ATG2B: variants seen among roughly 807,000 people sequenced by gnomAD.
ATG2B encodes autophagy-related protein 2 homolog B.
Under a neutral mutation model 241.3 loss-of-function variants are expected in ATG2B, and 121 were observed. The ratio of observed to expected loss-of-function variants is 0.50; its 90% confidence interval spans 0.43 to 0.58. The LOEUF (loss-of-function observed/expected upper bound fraction) is 0.58, where lower values mean the gene tolerates loss of function less well. ATG2B is among the 20% of genes least tolerant of loss of function. The pLI is 0.00. For missense variants in ATG2B, 2,306 were observed against 2,491.6 expected (o/e 0.93, Z 1.59); for synonymous variants, 858 against 876.6 (o/e 0.98, Z 0.37).
chr14:96,316,651 A>G lies in ATG2B; in HGVS notation c.3243T>C (p.His1081=). 6.2e-7 allele frequency: 1 copy of G among 1,610,614 alleles called. No individual in the cohort carries two copies. The highest frequency in any genetic ancestry group is 1.7e-5 in the Admixed American group (1 of 59,152). ...QDNGDLLENK[H]GEFWLEFNSG... The stretch of plus-strand genomic sequence containing the variant: ...TATTGAACTCTAACCAGAATTCACC[A>G]TGCTTGTTTTCCAACAGATCTCCAT... The change falls in exon 21 of 42, where the codon CAT becomes CAC. Residue 1081 remains histidine, a synonymous_variant. Transcript: ENST00000359933.
rs1487635571 is a variant in ATG2B at position 96,280,023 on chromosome 14, T to C, written c.*5732A>G. On this transcript the variant is annotated 3_prime_UTR_variant, in exon 42 of 42. Coordinates refer to ENST00000359933, the MANE Select transcript of ATG2B (RefSeq NM_018036.7). Reference sequence around the variant, plus strand: ...AATCAGTGTTGACTGTGGCCTGTGGTGCAGCATTTATAGAAAGAAATCTTC... The same window carrying C: ...AATCAGTGTTGACTGTGGCCTGTGGCGCAGCATTTATAGAAAGAAATCTTC... 1.3e-5 allele frequency: 2 copies of C among 152,260 alleles called. No homozygotes were observed. Among genetic ancestry groups the C allele is most frequent in the African/African-American group, 4.8e-5 (2 of 41,420 alleles). 9.4% of individuals were successfully genotyped at this position (152,260 alleles called of 1,614,324 possible).
Position 96,290,902 on chromosome 14 carries a change from T to G in ATG2B, c.5613A>C (p.Ala1871=), listed in dbSNP as rs779534902. Residue 1871 remains alanine, a synonymous_variant, in exon 39 of 42, where the codon GCA becomes GCC. Coordinates refer to ENST00000359933, the MANE Select transcript of ATG2B (RefSeq NM_018036.7). The surrounding 1 kb of genome is among the most constrained non-coding windows in gnomAD (Gnocchi z 4.4). Reference sequence around the variant, plus strand: ...TAATGTCATTAAGCCACTCAGTGATTGCATATGAGAATAATTTGTCAACGC... The same window carrying G: ...TAATGTCATTAAGCCACTCAGTGATGGCATATGAGAATAATTTGTCAACGC... ...LLGVDKLFSY[A]ITEWLNDIKK... The G allele has an allele frequency of 1.9e-6, 3 of 1,613,356 alleles. No individual in the cohort carries two copies. In the South Asian group the frequency reaches 3.3e-5, roughly 18 times the overall value.
At position 96,317,074 on chromosome 14, in the gene ATG2B, G is replaced by C. The variant is rs1001849902; in HGVS notation, c.3210+71C>G. The stretch of plus-strand genomic sequence containing the variant: ...AAAATATCAAATACTTCAATCACTA[G>C]ATATGTATCCTAGCAGATTTATTTA... On this transcript the variant is annotated intron_variant, in intron 20 of 41. Coordinates refer to ENST00000359933, the MANE Select transcript of ATG2B (RefSeq NM_018036.7). 5.3e-5 allele frequency: 70 copies of C among 1,326,928 alleles called. 2 individuals are homozygous for C. The South Asian group carries it at 9.4e-4, about 18-fold the overall frequency. 82.2% of individuals were successfully genotyped at this position (1,326,928 alleles called of 1,614,324 possible). A position where few individuals can be genotyped will look rare whatever the true frequency, so the allele number is the denominator to read the frequency against.
In ATG2B at chr14:96,325,792, T is replaced by C. The variant is rs1239568693; in HGVS notation, c.2294A>G (p.Gln765Arg). ...RFPIPDLRSDQERGPWFKKSL... is the reference protein window; with the variant it reads ...RFPIPDLRSDRERGPWFKKSL... ...CTTCTTAAACCATGGTCCTCTTTCT[T>C]GATCAGATCGAAGATCAGGTATTGG... Residue 765 changes from glutamine to arginine, a missense_variant, in exon 15 of 42, where the codon CAA becomes CGA. By Grantham distance (43) the Gln-to-Arg change is conservative. Coordinates refer to ENST00000359933, the MANE Select transcript of ATG2B (RefSeq NM_018036.7). 5.6e-6 allele frequency: 9 copies of C among 1,613,938 alleles called. No individual in the cohort carries two copies. In the East Asian group the frequency reaches 1.1e-4, roughly 20 times the overall value.
chr14:96,285,974 G>A lies in ATG2B; in HGVS notation c.6018C>T (p.Asp2006=). ...CAGTTTCATAAATGGTCTGAGCCGT[G>A]TCTGTGATTCCCTGCGTAGAGGAGG... ...AYSVVKEGIT[D]TAQTIYETAA... is the part of the protein sequence containing the mutation. The change falls in exon 42 of 42, where the codon GAC becomes GAT. Residue 2006 remains aspartate (D), a synonymous_variant. Transcript: ENST00000359933. The surrounding 1 kb of genome is among the most constrained non-coding windows in gnomAD (Gnocchi z 4.2). The A allele has an allele frequency of 8.1e-6, 13 of 1,612,718 alleles. No homozygotes were observed. Among genetic ancestry groups the A allele is most frequent in the Non-Finnish European group, 1.1e-5 (13 of 1,179,226 alleles).
chr14:96,328,878 C>T, intron 12 of ATG2B, 112 bp from the exon 13 acceptor site: 1 of 728,382 alleles, frequency 1.4e-6, no homozygotes, highest in Non-Finnish European at 2.2e-6. Context: ...TTTTAAGTTT[C>T]ATTTTTGTCA....
rs545293751 is a variant in ATG2B, at chr14:96,314,592, T to C, written c.3642+562A>G. Among the ~76,000 whole-genome samples the C allele has an allele frequency of 3.8e-5, 5 of 133,304 alleles. No homozygotes were observed. In the South Asian group the frequency reaches 1.1e-3, roughly 30 times the overall value. The allele number at this position is 133,304 out of a possible 152,430, so 87.5% of individuals were successfully genotyped here. Reference sequence around the variant, plus strand: ...TCCCTTCCCTTCCTTTAATGACATATAAGATAACTCTGTCATTGAGAGGTT... The same window carrying C: ...TCCCTTCCCTTCCTTTAATGACATACAAGATAACTCTGTCATTGAGAGGTT... On this transcript the variant is annotated intron_variant, in intron 23 of 41. Transcript: ENST00000359933.
At position 96,317,161 on chromosome 14, in the gene ATG2B, A is replaced by G. The variant is rs771224395; in HGVS notation, c.3194T>C (p.Val1065Ala). The G allele has an allele frequency of 3.7e-6, 6 of 1,611,386 alleles. No homozygotes were observed. Among genetic ancestry groups the G allele is most frequent in the Middle Eastern group, 1.7e-4 (1 of 6,044 alleles). ...LLNINHGLIA[V>A]FTDVKQDNGD... Reference sequence around the variant, plus strand: ...AAACCTCACCTTCACATCTGTGAACACTGCTATTAATCCATGATTAATATT... The same window carrying G: ...AAACCTCACCTTCACATCTGTGAACGCTGCTATTAATCCATGATTAATATT... Residue 1065 changes from valine to alanine, a missense_variant, in exon 20 of 42, where the codon GTG (valine) becomes GCG (alanine). Val to Ala is a moderately conservative substitution (Grantham distance 64). Transcript: ENST00000359933.
intron 1 of ATG2B, among the ~76,000 whole-genome samples, chr14:96,361,513 T>C (rs1004785666): frequency 6.6e-6 from 1 of 152,336 alleles, no homozygotes; most frequent in Middle Eastern, 3.4e-3. Flanking sequence ...AACCTATTCA[T>C]AACTGTATCA....
rs766080207 is a variant in ATG2B at position 96,328,395 on chromosome 14, C to T, written c.2115G>A (p.Glu705=). 6.2e-7 allele frequency: 1 copy of T among 1,613,426 alleles called. No homozygotes were observed. Among genetic ancestry groups the T allele is most frequent in the Non-Finnish European group, 8.5e-7 (1 of 1,179,732 alleles). ...AAGTATACATGTGGGATGCCATCAT[C>T]TCTACTGTGGCAAGTTTCTGTGGTT... ...LLQPQKLATV[E]MMASHMYTSY... Residue 705 remains glutamate, a synonymous_variant, in exon 14 of 42, where the codon GAG becomes GAA. Transcript: ENST00000359933.
Position 96,290,202 on chromosome 14 carries a change from T to C in ATG2B, c.5856+234A>G. Reference sequence around the variant, plus strand: ...AAATCAATCCTCTGCTAACTTAATGTTTACAATTTACCTGAAATAGGCAAA... The same window carrying C: ...AAATCAATCCTCTGCTAACTTAATGCTTACAATTTACCTGAAATAGGCAAA... On this transcript the variant is annotated intron_variant, in intron 40 of 41. Coordinates refer to ENST00000359933, the MANE Select transcript of ATG2B (RefSeq NM_018036.7). The surrounding 1 kb of genome is among the most constrained non-coding windows in gnomAD (Gnocchi z 4.4). The C allele has an allele frequency of 7.6e-7, 1 of 1,308,056 alleles. No homozygotes were observed. The allele number at this position is 1,308,056 out of a possible 1,614,324, so 81.0% of individuals were successfully genotyped here.
chr14:96,350,949 A>C (rs1327009572), intron 1 of ATG2B, among the ~76,000 whole-genome samples: 1 of 152,202 alleles, frequency 6.6e-6, no homozygotes. Flanking sequence ...TAGCCAAAAT[A>C]GCCATATTCT....
rs1018979545 is a variant in ATG2B at position 96,280,180 on chromosome 14, A to G, written c.*5575T>C. The G allele has an allele frequency of 6.6e-6, 1 of 152,228 alleles. No homozygotes were observed. Among genetic ancestry groups the G allele is most frequent in the East Asian group, 1.9e-4 (1 of 5,200 alleles). 9.4% of individuals were successfully genotyped at this position (152,228 alleles called of 1,614,324 possible). A position where few individuals can be genotyped will look rare whatever the true frequency, so the allele number is the denominator to read the frequency against. On this transcript the variant is annotated 3_prime_UTR_variant, in exon 42 of 42. Transcript: ENST00000359933. ...GCACATTTTCTTGCTCAAATATTCT[A>G]AGAGCCTTTAATCTCAATCTTCTAG...
At chr14:96,315,071 T>C (rs1480888847) in intron 23 of ATG2B, 83 bp downstream of exon 23, 3 of 941,892 alleles carry the variant, frequency 3.2e-6, no homozygotes, top group South Asian at 1.5e-5. Context: ...TGAACATTTA[T>C]GACTTACAAA....
rs757144200 is a variant in ATG2B, at chr14:96,334,509, GA to G, written c.925-9del. The G allele has an allele frequency of 0.015, 18,098 of 1,169,162 alleles. No individual in the cohort carries two copies. Among genetic ancestry groups the G allele is most frequent in the South Asian group, 0.025 (1,412 of 57,456 alleles). The allele number at this position is 1,169,162 out of a possible 1,614,324, so 72.4% of individuals were successfully genotyped here. On this transcript the variant is annotated splice_polypyrimidine_tract_variant and intron_variant, in intron 6 of 41. Transcript: ENST00000359933. ...CTGTCCATCAACATCCAACTTAAGGGAAAAAAAAAAACTATTCATGAGGAGT... is the reference window on the plus strand; with the variant it reads ...CTGTCCATCAACATCCAACTTAAGGGAAAAAAAAAACTATTCATGAGGAGT...
At chr14:96,338,810 G>A (rs1162588348) in intron 6 of ATG2B, among the ~76,000 whole-genome samples, 1 of 152,120 alleles carries the variant, frequency 6.6e-6, no homozygotes, top group East Asian at 1.9e-4. Flanking sequence ...AAAAGCTTCT[G>A]CTCAGCAAAA....
intron 4 of ATG2B, among the ~76,000 whole-genome samples, chr14:96,343,876 T>C (rs1189777341): frequency 1.3e-5 from 2 of 152,244 alleles, no homozygotes; most frequent in Admixed American, 6.5e-5. Context: ...TAACAATAAC[T>C]GTTTTACTAA....
At chr14:96,294,346 C>A (rs1889379) in intron 36 of ATG2B, among the ~76,000 whole-genome samples, 117,970 of 152,140 alleles carry the variant, frequency 0.78, 46,309 homozygotes, top group African/African-American at 0.9. Context: ...CCCTACCATC[C>A]AGTTTTGGAA....
At chr14:96,321,409 A>G (rs1483227444) in intron 18 of ATG2B, among the ~76,000 whole-genome samples, 1 of 152,212 alleles carries the variant, frequency 6.6e-6, no homozygotes, top group African/African-American at 2.4e-5. Context: ...GGTAGGAATT[A>G]TAACAGACAA....
Sources: gnomAD v4.1 joint callset for allele counts (sites outside exome capture counted in the v4.1 genomes callset) on GRCh38, gnomAD v4.1.1 for gene constraint, Gnocchi (gnomAD v3.1) non-coding constraint, MANE v1.5 for transcripts, NCBI Gene and HGNC (gene_info 2026-07-23, HGNC 2026-07-21) for gene names.